The following LAMP2 variants were observed in gnomAD, a reference collection of about 807,000 sequenced individuals.
LAMP2 encodes the protein lysosome associated membrane protein 2.
In LAMP2, 4 loss-of-function variants were observed where a neutral mutation model predicts 25.6. The ratio of observed to expected loss-of-function variants is 0.16; its 90% CI spans 0.08 to 0.36. The LOEUF (loss-of-function observed/expected upper bound fraction) is 0.36, where lower values mean the gene tolerates loss of function less well. Ranked by LOEUF, LAMP2 falls within the 10% of genes least tolerant of loss-of-function variation. The probability of loss-of-function intolerance (pLI) is 1.00; values close to 1 mark genes in which losing one functional copy is unlikely to be tolerated. For synonymous variants in LAMP2, 108 were observed against 112.7 expected (o/e 0.96, Z 0.27); for missense variants, 272 against 301.4 (o/e 0.90, Z 0.72).
chrX:120,451,059 C>T (rs2058619063), intron 3 of LAMP2, among the ~76,000 whole-genome samples: 1 of 109,692 alleles, frequency 9.1e-6, no homozygotes, highest in Admixed American at 9.8e-5. Context: ...TCCCAAGTAG[C>T]TGGAATTACA....
At chrX:120,464,790 C>A (rs1331920613) in intron 1 of LAMP2, among the ~76,000 whole-genome samples, 4 of 111,802 alleles carry the variant, frequency 3.6e-5, no homozygotes, top group Non-Finnish European at 3.8e-5. Flanking sequence ...TTGCTCTTGT[C>A]CCCCAGGCTG....
intron 8 of LAMP2, among the ~76,000 whole-genome samples, chrX:120,435,872 T>C (rs1795429148): frequency 9.0e-6 from 1 of 111,232 alleles, no homozygotes; most frequent in Non-Finnish European, 1.9e-5. Flanking sequence ...TATCCGTATA[T>C]GGAAACTGGA....
At chrX:120,448,179 G>A (rs1369859372) in intron 4 of LAMP2, among the ~76,000 whole-genome samples, 154 bp from the exon 5 acceptor site, 1 of 112,227 alleles carries the variant, frequency 8.9e-6, no homozygotes, top group Non-Finnish European at 1.9e-5. Context: ...AACTAAATTA[G>A]GCAGAGGTTC....
chrX:120,448,126 A>T, intron 4 of LAMP2, 101 bp from the exon 5 acceptor site: 1 of 705,091 alleles, frequency 1.4e-6, no homozygotes, highest in Non-Finnish European at 2.3e-6. Context: ...GAAGTCCAAA[A>T]GGGTTATATT....
At chrX:120,442,557 G>A (rs2058578194) in intron 7 of LAMP2, 42 bp downstream of exon 7, 1 of 1,054,318 alleles carries the variant, frequency 9.5e-7, no homozygotes, top group East Asian at 3.0e-5. Context: ...AATCCTTCAG[G>A]GTAATCCACA....
At chrX:120,443,959 C>T (rs774222248) in intron 6 of LAMP2, among the ~76,000 whole-genome samples, 38 of 99,869 alleles carry the variant, frequency 3.8e-4, no homozygotes, top group Admixed American at 1.4e-3. Flanking sequence ...CCAGCCTGGG[C>T]GACAAAGCGA....
At chrX:120,435,029 C>T (rs1028060742) in intron 8 of LAMP2, among the ~76,000 whole-genome samples, 1 of 111,188 alleles carries the variant, frequency 9.0e-6, no homozygotes, top group East Asian at 2.8e-4. Flanking sequence ...ACTTGGGAGG[C>T]TGAGGCATAA....
At chrX:120,438,384 C>T in intron 8 of LAMP2, 1 of 748,494 alleles carries the variant, frequency 1.3e-6, no homozygotes, top group Non-Finnish European at 1.6e-6. Context: ...ATCTCTAAAG[C>T]ACCTAAAAAA....
rs1266500092 is a variant in LAMP2 at position 120,438,968 on chromosome X, T to C, written c.1093+2762A>G. The C allele has an allele frequency of 7.7e-6, 8 of 1,042,663 alleles. No individual in the cohort carries two copies. The Admixed American group carries it at 2.5e-4, about 32-fold the overall frequency. The allele number at this position is 1,042,663 out of a possible 1,213,427, so 85.9% of individuals were successfully genotyped here. On this transcript the variant is annotated intron_variant, in intron 8 of 8. Transcript: ENST00000200639. ...AAAATAACAGTTTTAAATTCCTTGGTTGGAAAAACCAAAGTCAGGCAACTA... is the reference window on the plus strand; with the variant it reads ...AAAATAACAGTTTTAAATTCCTTGGCTGGAAAAACCAAAGTCAGGCAACTA...
Position 120,450,770 on chromosome X carries a change from A to T in LAMP2, c.398-1642T>A, listed in dbSNP as rs2058617704. Among the ~76,000 whole-genome samples, 5 of 110,841 alleles carry T rather than the reference A, an allele frequency of 4.5e-5. 2 individuals carry two copies. The Middle Eastern group carries it at 0.019, about 414-fold the overall frequency. On this transcript the variant is annotated intron_variant, in intron 3 of 8. Coordinates refer to ENST00000200639, the MANE Select transcript of LAMP2 (RefSeq NM_002294.3). Reference sequence around the variant, plus strand: ...TAATCAAAAAAGTAACACAAACATTAAAAAAACAGCATTTATTAATTCTGG... The same window carrying T: ...TAATCAAAAAAGTAACACAAACATTTAAAAAACAGCATTTATTAATTCTGG...
In LAMP2 at chrX:120,444,734, A is replaced by G. The variant is rs188301768; in HGVS notation, c.864+1571T>C. On this transcript the variant is annotated intron_variant, in intron 6 of 8. Transcript: ENST00000200639. ...TCACAAAAATGGTAATTATTTGCAG[A>G]TTTCTCCCATTACCACTAAACTGTG... is the stretch of plus-strand genomic sequence containing the variant. Among the ~76,000 whole-genome samples, 8 of 111,962 alleles carry G rather than the reference A, an allele frequency of 7.1e-5. No individual in the cohort carries two copies. In the East Asian group the frequency reaches 2.2e-3, roughly 31 times the overall value.
chrX:120,430,109 G>A lies in LAMP2; in HGVS notation c.*1214C>T. The A allele has an allele frequency of 2.7e-6, 2 of 753,389 alleles. No individual in the cohort carries two copies. The highest frequency in any genetic ancestry group is 3.1e-6 in the Non-Finnish European group (2 of 638,307). 62.1% of individuals were successfully genotyped at this position (753,389 alleles called of 1,213,427 possible). A position where few individuals can be genotyped will look rare whatever the true frequency, so the allele number is the denominator to read the frequency against. On this transcript the variant is annotated 3_prime_UTR_variant, in exon 9 of 9. Transcript: ENST00000200639. ...CTGTATTGTTAATCAGGAAGTTATA[G>A]AGACTCTGATCATGCCCCTATATAC...
At chrX:120,456,616 A>G (rs1350350378) in intron 2 of LAMP2, 35 bp downstream of exon 2, 4 of 738,605 alleles carry the variant, frequency 5.4e-6, no homozygotes, top group African/African-American at 2.1e-5. Flanking sequence ...AATTCCTACT[A>G]TAAAACTCAA....
intron 8 of LAMP2, chrX:120,438,305 G>A (rs1211183537): frequency 2.7e-6 from 2 of 751,577 alleles, no homozygotes; most frequent in African/African-American, 2.3e-5. Context: ...ATTAATTTTA[G>A]TACTGCATAC....
chrX:120,432,603 C>T (rs1348340731), intron 8 of LAMP2, among the ~76,000 whole-genome samples: 1 of 111,291 alleles, frequency 9.0e-6, no homozygotes, highest in African/African-American at 3.3e-5. Context: ...ATTGACCAAA[C>T]GGATGTAGGG....
At chrX:120,467,696 C>T (rs1218599413) in intron 1 of LAMP2, among the ~76,000 whole-genome samples, 5 of 112,144 alleles carry the variant, frequency 4.5e-5, no homozygotes, top group Admixed American at 1.9e-4. Context: ...AAGTTGTTAG[C>T]GACCCACTGC....
intron 1 of LAMP2, among the ~76,000 whole-genome samples, chrX:120,463,618 C>G (rs764943281): frequency 8.9e-6 from 1 of 111,913 alleles, no homozygotes; most frequent in African/African-American, 3.2e-5. Context: ...TAAATCAGCT[C>G]CAGTGCTACG....
At chrX:120,436,994 C>T (rs1400300157) in intron 8 of LAMP2, 3 of 743,405 alleles carry the variant, frequency 4.0e-6, no homozygotes, top group Non-Finnish European at 4.8e-6. Context: ...ATAGTTAAGG[C>T]CTACATTCTT....
chrX:120,431,308 A>G lies in LAMP2; in HGVS notation c.*15T>C, dbSNP rs376806600. On this transcript the variant is annotated 3_prime_UTR_variant, in exon 9 of 9. Coordinates refer to ENST00000200639, the MANE Select transcript of LAMP2 (RefSeq NM_002294.3). ...ATTTGCATGTATTTTTATATAATCA[A>G]TCAGGTTGCAGATTCTAAAATTGCT... 7.4e-5 allele frequency: 90 copies of G among 1,209,222 alleles called. No individual in the cohort carries two copies. The African/African-American group carries it at 1.4e-3, about 19-fold the overall frequency.
Sources: allele counts gnomAD v4.1 joint callset (sites outside exome capture counted in the v4.1 genomes callset), GRCh38; gene constraint gnomAD v4.1.1; transcripts MANE v1.5; gene names NCBI Gene and HGNC (gene_info 2026-07-23, HGNC 2026-07-21).